Variants in RNF180 observed in about 807,000 individuals in gnomAD.
The protein encoded by RNF180 is E3 ubiquitin-protein ligase RNF180.
RNF180 carries 38 observed loss-of-function variants against 59.2 expected under a neutral mutation model. The ratio of observed to expected loss-of-function variants is 0.64; its 90% CI spans 0.50 to 0.84. The LOEUF is 0.84. RNF180 is among the 40% of genes least tolerant of loss of function. RNF180 has a pLI of 0.00. For missense variants in RNF180, 705 were observed against 700.9 expected (o/e 1.01, Z -0.07); for synonymous variants, 262 against 240.3 (o/e 1.09, Z -0.84).
At chr5:64,238,464 A>G (rs1466965912) in intron 5 of RNF180, among the ~76,000 whole-genome samples, 7 of 152,178 alleles carry the variant, frequency 4.6e-5, no homozygotes. Context: ...AACAGTATGC[A>G]GGGGTTCCCT....
chr5:64,261,631 C>T (rs1458026134), intron 5 of RNF180, among the ~76,000 whole-genome samples: 7 of 152,122 alleles, frequency 4.6e-5, no homozygotes, highest in Non-Finnish European at 2.9e-5. Flanking sequence ...CCTCTCCCTA[C>T]CTTCGTTGTG....
intron 5 of RNF180, among the ~76,000 whole-genome samples, chr5:64,237,548 T>G (rs1365590253): frequency 6.6e-6 from 1 of 152,112 alleles, no homozygotes; most frequent in Non-Finnish European, 1.5e-5. Flanking sequence ...CTGGAATGAT[T>G]TAAGACTTTG....
At chr5:64,189,190 T>C (rs893924908) in intron 1 of RNF180, among the ~76,000 whole-genome samples, 10 of 152,026 alleles carry the variant, frequency 6.6e-5, no homozygotes, top group Non-Finnish European at 1.5e-4. Context: ...ACCCAGTCTA[T>C]GGTATTGTGT....
intron 6 of RNF180, among the ~76,000 whole-genome samples, chr5:64,327,493 T>C (rs1455992545): frequency 6.6e-6 from 1 of 152,194 alleles, no homozygotes; most frequent in African/African-American, 2.4e-5. Context: ...CTATTTTCAC[T>C]TGTTTCACAT....
At chr5:64,224,996 A>C (rs1293078010) in intron 5 of RNF180, among the ~76,000 whole-genome samples, 1 of 152,190 alleles carries the variant, frequency 6.6e-6, no homozygotes, top group Non-Finnish European at 1.5e-5. Flanking sequence ...CCAAACTGTG[A>C]GAAAATCATT....
chr5:64,339,870 T>C (rs1685401006), intron 7 of RNF180, among the ~76,000 whole-genome samples: 1 of 152,146 alleles, frequency 6.6e-6, no homozygotes, highest in South Asian at 2.1e-4. Context: ...ATTTTTTTCT[T>C]CTTACAAATA....
intron 7 of RNF180, among the ~76,000 whole-genome samples, chr5:64,342,459 C>T (rs1180253373): frequency 6.6e-6 from 1 of 151,868 alleles, no homozygotes; most frequent in South Asian, 2.1e-4. Flanking sequence ...AACATATAGC[C>T]GATTTTCTAC....
intron 5 of RNF180, among the ~76,000 whole-genome samples, chr5:64,319,682 A>G (rs1220268097): frequency 1.3e-5 from 2 of 152,242 alleles, no homozygotes; most frequent in African/African-American, 4.8e-5. Context: ...TGAGCAATGC[A>G]GAATATATGA....
intron 5 of RNF180, among the ~76,000 whole-genome samples, chr5:64,296,879 A>T (rs548104268): frequency 6.6e-6 from 1 of 152,190 alleles, no homozygotes; most frequent in African/African-American, 2.4e-5. Context: ...TTGATTTTGT[A>T]TGGGAAAGGC....
At chr5:64,233,357 G>T (rs1742211120) in intron 5 of RNF180, among the ~76,000 whole-genome samples, 1 of 152,164 alleles carries the variant, frequency 6.6e-6, no homozygotes, top group African/African-American at 2.4e-5. Context: ...TGGCAGGTTA[G>T]ATTTCAGCAG....
intron 2 of RNF180, among the ~76,000 whole-genome samples, chr5:64,205,086 G>A (rs1265944451): frequency 1.3e-5 from 2 of 152,116 alleles, no homozygotes; most frequent in Non-Finnish European, 2.9e-5. Flanking sequence ...GCTAGGAACT[G>A]GACACTAGAA....
In RNF180 at chr5:64,342,173, CAG is replaced by C. The variant is rs1327445471; in HGVS notation, c.1579+11768_1579+11769del. Among the ~76,000 whole-genome samples the C allele has an allele frequency of 2.0e-5, 3 of 152,106 alleles. No individual in the cohort carries two copies. In the East Asian group the frequency reaches 5.8e-4, roughly 29 times the overall value. On this transcript the variant is annotated intron_variant, in intron 7 of 7. Transcript: ENST00000389100. The stretch of plus-strand genomic sequence containing the variant: ...GTAAGTGGTGGCAAGCGATCACTCT[CAG>C]TGGCAATAACTGGGGGGAAATTATA...
chr5:64,184,132 A>C (rs1032930419), intron 1 of RNF180, among the ~76,000 whole-genome samples: 1 of 152,210 alleles, frequency 6.6e-6, no homozygotes, highest in Non-Finnish European at 1.5e-5. Flanking sequence ...GAAGACAGCC[A>C]TCTGCAGCCC....
chr5:64,356,839 G>A (rs1746047764), intron 7 of RNF180, among the ~76,000 whole-genome samples: 1 of 151,780 alleles, frequency 6.6e-6, no homozygotes, highest in Non-Finnish European at 1.5e-5. Context: ...GGACTCATGA[G>A]TTATTGCTTA....
chr5:64,217,129 G>C (rs1429901597), intron 4 of RNF180, among the ~76,000 whole-genome samples: 1 of 151,976 alleles, frequency 6.6e-6, no homozygotes, highest in Admixed American at 6.6e-5. Flanking sequence ...CTTGAGACTG[G>C]CCTCTTTTAC....
chr5:64,286,380 A>G (rs1438133068), intron 5 of RNF180, among the ~76,000 whole-genome samples: 1 of 152,240 alleles, frequency 6.6e-6, no homozygotes, highest in Admixed American at 6.5e-5. Context: ...GAAGACTTGA[A>G]GATTAAATTT....
At chr5:64,286,381 G>A (rs963487033) in intron 5 of RNF180, among the ~76,000 whole-genome samples, 3 of 152,194 alleles carry the variant, frequency 2.0e-5, no homozygotes, top group African/African-American at 7.2e-5. Context: ...AAGACTTGAA[G>A]ATTAAATTTC....
intron 5 of RNF180, among the ~76,000 whole-genome samples, chr5:64,287,018 G>T (rs1742324028): frequency 6.6e-6 from 1 of 152,158 alleles, no homozygotes; most frequent in African/African-American, 2.4e-5. Flanking sequence ...CCAGGCTAGA[G>T]TGCAGTGGTG....
intron 1 of RNF180, among the ~76,000 whole-genome samples, chr5:64,178,967 A>G (rs531609067): frequency 2.0e-5 from 3 of 152,298 alleles, no homozygotes; most frequent in African/African-American, 7.2e-5. Flanking sequence ...AACCTTTCAG[A>G]TATTTCAGAT....
Sources: gnomAD v4.1 joint callset for allele counts (sites outside exome capture counted in the v4.1 genomes callset) on GRCh38, gnomAD v4.1.1 for gene constraint, MANE v1.5 for transcripts, NCBI Gene and HGNC (gene_info 2026-07-23, HGNC 2026-07-21) for gene names.